The following SEMA4B variants were observed in gnomAD, a reference collection of about 807,000 sequenced individuals.
The protein encoded by SEMA4B is semaphorin 4B.
SEMA4B carries 55 observed loss-of-function variants against 88.1 expected under a neutral mutation model. That is an observed-to-expected ratio of 0.62 (90% CI 0.50 to 0.78). The LOEUF is 0.78. SEMA4B is among the 30% of genes least tolerant of loss of function. SEMA4B has a pLI of 0.00. For synonymous variants in SEMA4B, 525 were observed against 473.6 expected, an observed-to-expected ratio of 1.11 and a Z score of -1.41; for missense variants, 1,062 against 1,111.9, an observed-to-expected ratio of 0.96 and a Z score of 0.64.
intron 1 of SEMA4B, among the ~76,000 whole-genome samples, chr15:90,188,510 C>G (rs564218024): frequency 5.3e-5 from 8 of 151,880 alleles, no homozygotes; most frequent in African/African-American, 1.9e-4. Flanking sequence ...TGCCTGTAAT[C>G]CCAGCTACCC....
chr15:90,197,805 G>T (rs1960562031), upstream of SEMA4B, among the ~76,000 whole-genome samples: 1 of 151,968 alleles, frequency 6.6e-6, no homozygotes. Flanking sequence ...GTTTACAGAT[G>T]ACCCCATACT....
Position 90,221,885 on chromosome 15 carries a change from C to CAGCTT in SEMA4B, c.861+121_861+125dup, listed in dbSNP as rs1399406452. On this transcript the variant is annotated intron_variant, in intron 7 of 13. Coordinates refer to ENST00000411539, the MANE Select transcript of SEMA4B (RefSeq NM_198925.4). ...CCGCCAAGGAGTACAGCTTGGCTAA[C>CAGCTT]AGCTTTTCTCTCTCACCTTTTAAAT... is the stretch of plus-strand genomic sequence containing the variant. 6 of 821,694 alleles carry CAGCTT rather than the reference C, an allele frequency of 7.3e-6. No homozygotes were observed. In the African/African-American group the frequency reaches 1.1e-4, roughly 14 times the overall value. The allele number at this position is 821,694 out of a possible 1,614,324, so 50.9% of individuals were successfully genotyped here.
chr15:90,205,732 A>G (rs1960956208), intron 1 of SEMA4B, among the ~76,000 whole-genome samples: 1 of 152,168 alleles, frequency 6.6e-6, no homozygotes, highest in South Asian at 2.1e-4. Flanking sequence ...TTTTGTGCAC[A>G]CTGGTGGTAT....
Position 90,201,519 on chromosome 15 carries a change from G to C in SEMA4B, c.-60G>C. Reference sequence around the variant, plus strand: ...GGACCGCGGGGCGGAGCTGCCGCCCGTGAGTCCGGCCGAGCCACCTGAGCC... The same window carrying C: ...GGACCGCGGGGCGGAGCTGCCGCCCCTGAGTCCGGCCGAGCCACCTGAGCC... On this transcript the variant is annotated 5_prime_UTR_variant, in exon 1 of 14. Coordinates refer to ENST00000411539, the MANE Select transcript of SEMA4B (RefSeq NM_198925.4). 1 of 1,339,440 alleles carries C rather than the reference G, an allele frequency of 7.5e-7. No homozygotes were observed. The highest frequency in any genetic ancestry group is 9.5e-7 in the Non-Finnish European group (1 of 1,050,462). 83.0% of individuals were successfully genotyped at this position (1,339,440 alleles called of 1,614,324 possible). A position where few individuals can be genotyped will look rare whatever the true frequency, so the allele number is the denominator to read the frequency against.
chr15:90,198,597 C>G (rs1254819284), upstream of SEMA4B, among the ~76,000 whole-genome samples: 3 of 152,090 alleles, frequency 2.0e-5, no homozygotes, highest in African/African-American at 7.2e-5. Context: ...GATAAATGAG[C>G]AAAAGGAAGC....
chr15:90,189,528 A>C (rs962549528), intron 1 of SEMA4B, among the ~76,000 whole-genome samples: 4 of 152,232 alleles, frequency 2.6e-5, no homozygotes, highest in African/African-American at 9.6e-5. Flanking sequence ...CCTCACTTAT[A>C]GTAGGTGCTC....
chr15:90,201,699 A>G lies in SEMA4B; in HGVS notation c.121A>G (p.Thr41Ala), dbSNP rs1960746298. 1.2e-5 allele frequency: 18 copies of G among 1,501,664 alleles called. No homozygotes were observed. Among genetic ancestry groups the G allele is most frequent in the Non-Finnish European group, 1.6e-5 (18 of 1,131,392 alleles). 93.0% of individuals were successfully genotyped at this position (1,501,664 alleles called of 1,614,324 possible). ...LLLLLQPPPP[T>A]WALSPRISLP... Reference sequence around the variant, plus strand: ...GCTCCTGCTGCAGCCGCCGCCTCCGACCTGGGCGCTCAGCCCCCGGATCAG... The same window carrying G: ...GCTCCTGCTGCAGCCGCCGCCTCCGGCCTGGGCGCTCAGCCCCCGGATCAG... The change falls in exon 1 of 14, where the codon ACC becomes GCC. Residue 41 changes from threonine to alanine, a missense_variant. Physicochemically the swap from Thr to Ala is moderately conservative, Grantham distance 58 (BLOSUM62 0). Coordinates refer to ENST00000411539, the MANE Select transcript of SEMA4B (RefSeq NM_198925.4).
rs1044003296 is a variant in SEMA4B at position 90,212,068 on chromosome 15, G to A, written c.158-5371G>A. ...TCACCCCAGAGAGCTCCAGGCTTCC[G>A]GCTGAGTCACAGGGAAGGAGGACCC... is the stretch of plus-strand genomic sequence containing the variant. On this transcript the variant is annotated intron_variant, in intron 1 of 13. Transcript: ENST00000411539. This position sits in a 1 kb window ranked among gnomAD's most constrained non-coding sequence, Gnocchi z 4.0. Among the ~76,000 whole-genome samples, 2 of 152,054 alleles carry A rather than the reference G, an allele frequency of 1.3e-5. No homozygotes were observed. Among genetic ancestry groups the A allele is most frequent in the South Asian group, 2.1e-4 (1 of 4,828 alleles).
Position 90,219,803 on chromosome 15 carries a change from A to G in SEMA4B, c.395A>G (p.Gln132Arg). 6.2e-7 allele frequency: 1 copy of G among 1,613,410 alleles called. No homozygotes were observed. The highest frequency in any genetic ancestry group is 8.5e-7 in the Non-Finnish European group (1 of 1,179,688). ...FKGKDPQRDC[Q>R]NYIKILLPLS... ...GCTCCTTCCCCCCAGCGCGACTGTC[A>G]AAACTACATCAAGATCCTCCTGCCG... The change falls in exon 4 of 14, where the codon CAA becomes CGA. Residue 132 changes from glutamine to arginine, a missense_variant. Transcript: ENST00000411539.
chr15:90,203,004 C>G (rs188267250), intron 1 of SEMA4B, among the ~76,000 whole-genome samples: 2 of 152,330 alleles, frequency 1.3e-5, no homozygotes, highest in African/African-American at 4.8e-5. Context: ...TGACCTTGAG[C>G]AGGCTACTTA....
At chr15:90,219,495 G>T in intron 3 of SEMA4B, 1 of 306,770 alleles carries the variant, frequency 3.3e-6, no homozygotes, top group East Asian at 6.8e-5. Context: ...TGAAGAGGAT[G>T]CTGCTGGGGA....
chr15:90,185,262 T>C (rs79412573), intron 1 of SEMA4B, among the ~76,000 whole-genome samples: 15,167 of 152,326 alleles, frequency 0.1, 1,028 homozygotes, highest in Admixed American at 0.19. Context: ...CCGGGGAGCC[T>C]GTTGCCATGG....
chr15:90,197,327 T>C (rs574509685), upstream of SEMA4B, among the ~76,000 whole-genome samples: 2 of 151,688 alleles, frequency 1.3e-5, no homozygotes, highest in South Asian at 2.1e-4. Context: ...GAGGTGGAGG[T>C]TGTAGTGAGC....
intron 13 of SEMA4B, 67 bp from the exon 14 acceptor site, chr15:90,227,837 A>G: frequency 6.3e-7 from 1 of 1,596,180 alleles, no homozygotes; most frequent in Non-Finnish European, 8.5e-7. Flanking sequence ...GCCCAGAGGG[A>G]GGCAGGGGAG....
chr15:90,210,771 G>A (rs748376996), intron 1 of SEMA4B, among the ~76,000 whole-genome samples: 1 of 152,112 alleles, frequency 6.6e-6, no homozygotes, highest in Non-Finnish European at 1.5e-5. Context: ...GTCTGTCAGC[G>A]AGGCGATCCC....
intron 1 of SEMA4B, among the ~76,000 whole-genome samples, chr15:90,190,025 C>T (rs1014791745): frequency 2.0e-5 from 3 of 152,194 alleles, no homozygotes; most frequent in South Asian, 2.1e-4. Context: ...CCCGTGGGTG[C>T]GTCCTCTTAG....
intron 1 of SEMA4B, chr15:90,192,124 T>G (rs984127935): frequency 9.8e-5 from 15 of 152,656 alleles, no homozygotes; most frequent in African/African-American, 3.6e-4. Context: ...TGCGAGGCCT[T>G]GCTGGGCAGC....
At chr15:90,197,832 T>G (rs565429589), upstream of SEMA4B, among the ~76,000 whole-genome samples, 1 of 152,214 alleles carries the variant, frequency 6.6e-6, no homozygotes, top group South Asian at 2.1e-4. Flanking sequence ...GGAAGCCAAA[T>G]GTATGATAAT....
At chr15:90,197,995 C>G (rs1462914029), upstream of SEMA4B, among the ~76,000 whole-genome samples, 1 of 149,912 alleles carries the variant, frequency 6.7e-6, no homozygotes, top group Non-Finnish European at 1.5e-5. Flanking sequence ...GGCGTGATCT[C>G]GGCTCACTGC....
Sources: allele counts gnomAD v4.1 joint callset (sites outside exome capture counted in the v4.1 genomes callset), GRCh38; gene constraint gnomAD v4.1.1; non-coding constraint Gnocchi (gnomAD v3.1); transcripts MANE v1.5; gene names NCBI Gene and HGNC (gene_info 2026-07-23, HGNC 2026-07-21).